Variants in EMILIN2 observed in about 807,000 individuals in gnomAD.
The protein encoded by EMILIN2 is elastin microfibril interfacer 2.
In EMILIN2, 71 loss-of-function variants were observed where a neutral mutation model predicts 87.1. That is an observed-to-expected ratio of 0.82 (90% CI 0.67 to 0.99). The LOEUF is 0.99. Among genes scored for constraint, EMILIN2 ranks in the 50% least tolerant of loss-of-function variants. The pLI, the probability that EMILIN2 is intolerant of heterozygous loss-of-function variation, is 0.00. For synonymous variants in EMILIN2, 581 were observed against 563.4 expected, an observed-to-expected ratio of 1.03 and a Z score of -0.44; for missense variants, 1,407 against 1,371.8, an observed-to-expected ratio of 1.03 and a Z score of -0.40.
Position 2,858,569 on chromosome 18 carries a change from ATGTGTGTGTGTGTG to A in EMILIN2, c.257+10640_257+10653del, listed in dbSNP as rs1178571289. On this transcript the variant is annotated intron_variant, in intron 2 of 7. Transcript: ENST00000254528. ...TATATATATATATATATATATATAT[ATGTGTGTGTGTGTG>A]TATATATATATATATATATGTGTAT... Among the ~76,000 whole-genome samples, 137 of 55,188 alleles carry A rather than the reference ATGTGTGTGTGTGTG, an allele frequency of 2.5e-3. 1 individual carries two copies. Among genetic ancestry groups the A allele is most frequent in the Admixed American group, 6.0e-3 (25 of 4,180 alleles). 36.2% of individuals were successfully genotyped at this position (55,188 alleles called of 152,430 possible).
At chr18:2,899,800 G>A (rs866457679) in intron 4 of EMILIN2, among the ~76,000 whole-genome samples, 204 of 152,260 alleles carry the variant, frequency 1.3e-3, no homozygotes, top group African/African-American at 4.4e-3. Flanking sequence ...CACCGCGCGC[G>A]GCCCAGCTTG....
rs1203152266 is a variant in EMILIN2 at position 2,861,822 on chromosome 18, A to G, written c.257+13891A>G. On this transcript the variant is annotated intron_variant, in intron 2 of 7. Coordinates refer to ENST00000254528, the MANE Select transcript of EMILIN2 (RefSeq NM_032048.3). ...GCATTGAATCTCTAAATTACCTTGG[A>G]CAGTATGGCCATTTTCATGATATTG... is the stretch of plus-strand genomic sequence containing the variant. 9.9e-5 allele frequency among the ~76,000 whole-genome samples: 15 copies of G among 152,232 alleles called. No homozygotes were observed. In the East Asian group the frequency reaches 2.1e-3, roughly 22 times the overall value.
At chr18:2,878,007 T>G (rs1442584544) in intron 2 of EMILIN2, among the ~76,000 whole-genome samples, 1 of 152,150 alleles carries the variant, frequency 6.6e-6, no homozygotes. Context: ...ATCAAATTCA[T>G]GGAGAATGTA....
chr18:2,852,818 C>T (rs2076608114), intron 2 of EMILIN2, among the ~76,000 whole-genome samples: 1 of 152,198 alleles, frequency 6.6e-6, no homozygotes, highest in African/African-American at 2.4e-5. Context: ...TGCACCTGGC[C>T]CGCAATAATA....
intron 4 of EMILIN2, among the ~76,000 whole-genome samples, chr18:2,905,154 C>T (rs2076903957): frequency 6.6e-6 from 1 of 151,976 alleles, no homozygotes. Context: ...ATGGAATTAG[C>T]TCTGTATCAT....
intron 4 of EMILIN2, among the ~76,000 whole-genome samples, chr18:2,900,673 G>A (rs4798044): frequency 0.33 from 38,363 of 115,566 alleles, 5,646 homozygotes; most frequent in Non-Finnish European, 0.4. Flanking sequence ...AGCTCACCCC[G>A]GGCCCATTTA....
At position 2,909,726 on chromosome 18, in the gene EMILIN2, G is replaced by A. The variant is rs2076932107; in HGVS notation, c.2731G>A (p.Gly911Arg). ...PVPSLVSFSA[G>R]LTQKPFPSDG... ...GCCTTCTCTGGTGTCTTTTTCTGCGGGGCTCACCCAGAAGCCTTTCCCCAG... is the reference window on the plus strand; with the variant it reads ...GCCTTCTCTGGTGTCTTTTTCTGCGAGGCTCACCCAGAAGCCTTTCCCCAG... Residue 911 changes from glycine (G) to arginine (R), a missense_variant, in exon 7 of 8, where the codon GGG (glycine) becomes AGG (arginine). Transcript: ENST00000254528. 1 of 1,613,982 alleles carries A rather than the reference G, an allele frequency of 6.2e-7. No individual in the cohort carries two copies. Among genetic ancestry groups the A allele is most frequent in the Non-Finnish European group, 8.5e-7 (1 of 1,179,944 alleles).
At chr18:2,887,828 A>G (rs1270323833) in intron 3 of EMILIN2, among the ~76,000 whole-genome samples, 1 of 152,206 alleles carries the variant, frequency 6.6e-6, no homozygotes, top group Non-Finnish European at 1.5e-5. Context: ...TTTTAGAGAC[A>G]GGGTCTTGCT....
intron 2 of EMILIN2, among the ~76,000 whole-genome samples, chr18:2,877,163 A>G (rs991137006): frequency 6.6e-6 from 1 of 152,222 alleles, no homozygotes; most frequent in African/African-American, 2.4e-5. Flanking sequence ...ACCTCCTAAC[A>G]TGCAGAGATT....
At chr18:2,884,748 G>A (rs1475955332) in intron 2 of EMILIN2, among the ~76,000 whole-genome samples, 2 of 152,188 alleles carry the variant, frequency 1.3e-5, no homozygotes, top group African/African-American at 4.8e-5. Context: ...CTCAGGGCAG[G>A]TGGAGGATTG....
rs368268443 is a variant in EMILIN2 at position 2,892,309 on chromosome 18, G to C, written c.2182G>C (p.Glu728Gln). 13 of 1,614,070 alleles carry C rather than the reference G, an allele frequency of 8.1e-6. No homozygotes were observed. Among genetic ancestry groups the C allele is most frequent in the Non-Finnish European group, 1.0e-5 (12 of 1,180,042 alleles). ...SISGNLQRIK[E>Q]GLNKHVSSLW... ...CTCAGGAAATCTTCAGAGGATCAAG[G>C]AGGGGCTCAACAAGCATGTCAGCAG... Residue 728 changes from glutamate (E) to glutamine (Q), a missense_variant, in exon 4 of 8, where the codon GAG (glutamate) becomes CAG (glutamine). Coordinates refer to ENST00000254528, the MANE Select transcript of EMILIN2 (RefSeq NM_032048.3).
Position 2,906,819 on chromosome 18 carries a change from A to T in EMILIN2, c.2396A>T (p.Lys799Met). 7.6e-7 allele frequency: 1 copy of T among 1,319,366 alleles called. No homozygotes were observed. Among genetic ancestry groups the T allele is most frequent in the Non-Finnish European group, 9.6e-7 (1 of 1,039,536 alleles). The allele number at this position is 1,319,366 out of a possible 1,614,324, so 81.7% of individuals were successfully genotyped here. A position where few individuals can be genotyped will look rare whatever the true frequency, so the allele number is the denominator to read the frequency against. The change falls in exon 5 of 8, where the codon AAG (lysine) becomes ATG (methionine). Residue 799 changes from lysine to methionine, a missense_variant. Coordinates refer to ENST00000254528, the MANE Select transcript of EMILIN2 (RefSeq NM_032048.3). ...PSPPPPAEAP[K>M]EPLQPEPAPP... Reference sequence around the variant, plus strand: ...CCCCCGCCGCCCGCAGAGGCCCCGAAGGAGCCGCTGCAGCCCGAGCCCGCC... The same window carrying T: ...CCCCCGCCGCCCGCAGAGGCCCCGATGGAGCCGCTGCAGCCCGAGCCCGCC...
chr18:2,873,287 G>A (rs1018210802), intron 2 of EMILIN2, among the ~76,000 whole-genome samples: 13 of 152,262 alleles, frequency 8.5e-5, no homozygotes, highest in Non-Finnish European at 1.5e-4. Context: ...GCACATGCCT[G>A]TAATCCCGGC....
At position 2,858,559 on chromosome 18, in the gene EMILIN2, A is replaced by G. The variant is rs1359717557; in HGVS notation, c.257+10628A>G. ...TATATATATATATATATATATATAT[A>G]TATATATATATGTGTGTGTGTGTGT... On this transcript the variant is annotated intron_variant, in intron 2 of 7. Transcript: ENST00000254528. 5.3e-3 allele frequency among the ~76,000 whole-genome samples: 353 copies of G among 67,094 alleles called. 14 individuals carry two copies. Among genetic ancestry groups the G allele is most frequent in the African/African-American group, 0.038 (303 of 8,034 alleles). The allele number at this position is 67,094 out of a possible 152,430, so 44.0% of individuals were successfully genotyped here. A position where few individuals can be genotyped will look rare whatever the true frequency, so the allele number is the denominator to read the frequency against.
At chr18:2,901,346 C>T (rs1414354789) in intron 4 of EMILIN2, among the ~76,000 whole-genome samples, 2 of 152,230 alleles carry the variant, frequency 1.3e-5, no homozygotes, top group African/African-American at 4.8e-5. Flanking sequence ...ACCCCTGACT[C>T]CTGTAATGAG....
chr18:2,907,188 C>A (rs529190409), intron 5 of EMILIN2, 103 bp downstream of exon 5: 3 of 1,159,146 alleles, frequency 2.6e-6, no homozygotes, highest in Non-Finnish European at 3.2e-6. Context: ...GTCCAGCCTT[C>A]GGGGGGGCAA....
In EMILIN2 at chr18:2,909,768, C is replaced by A. The variant is rs2076932356; in HGVS notation, c.2773C>A (p.Leu925Ile). The change falls in exon 7 of 8, where the codon CTC becomes ATC. Residue 925 changes from leucine (L) to isoleucine (I), a missense_variant. Coordinates refer to ENST00000254528, the MANE Select transcript of EMILIN2 (RefSeq NM_032048.3). Reference sequence around the variant, plus strand: ...TTTCCCCAGTGATGGGGGCGTTGTCCTCTTTAACAAAGTGCTGGTGAACGA... The same window carrying A: ...TTTCCCCAGTGATGGGGGCGTTGTCATCTTTAACAAAGTGCTGGTGAACGA... ...KPFPSDGGVV[L>I]FNKVLVNDGD... The A allele has an allele frequency of 6.2e-7, 1 of 1,612,712 alleles. No homozygotes were observed. Among genetic ancestry groups the A allele is most frequent in the Non-Finnish European group, 8.5e-7 (1 of 1,179,602 alleles).
chr18:2,849,502 A>G (rs1235997132), intron 2 of EMILIN2, among the ~76,000 whole-genome samples: 1 of 152,162 alleles, frequency 6.6e-6, no homozygotes, highest in African/African-American at 2.4e-5. Context: ...TAATTGTTCT[A>G]TTTGACCAAA....
In EMILIN2 at chr18:2,885,134, C is replaced by G; in HGVS notation, c.428C>G (p.Ala143Gly). Residue 143 changes from alanine to glycine, a missense_variant, in exon 3 of 8, where the codon GCC becomes GGC. Transcript: ENST00000254528. ...PARPRNSLKK[A>G]TDNEPSQFSE... ...CGGCCTCGAAACAGCTTGAAGAAAG[C>G]CACAGGTAACTTCTTATTTGTGCTA... 6.2e-7 allele frequency: 1 copy of G among 1,601,338 alleles called. No individual in the cohort carries two copies. Among genetic ancestry groups the G allele is most frequent in the Non-Finnish European group, 8.5e-7 (1 of 1,175,080 alleles).
Sources: gnomAD v4.1 joint callset for allele counts (sites outside exome capture counted in the v4.1 genomes callset) on GRCh38, gnomAD v4.1.1 for gene constraint, MANE v1.5 for transcripts, NCBI Gene and HGNC (gene_info 2026-07-23, HGNC 2026-07-21) for gene names.